CR1: variants seen among roughly 807,000 people sequenced by gnomAD.
The protein encoded by CR1 is complement C3b/C4b receptor 1 (Knops blood group), also known as complement receptor type 1.
Under a neutral mutation model 187.3 loss-of-function variants are expected in CR1, and 116 were observed. That is an observed-to-expected ratio of 0.62 (90% CI 0.53 to 0.72). The LOEUF (loss-of-function observed/expected upper bound fraction) is 0.72, where lower values mean the gene tolerates loss of function less well. CR1 is among the 30% of genes least tolerant of loss of function. CR1 has a pLI of 0.00. For missense variants in CR1, 1,731 were observed against 2,110.7 expected (o/e 0.82, Z 3.52); for synonymous variants, 576 against 747.1 (o/e 0.77, Z 3.73).
At chr1:207,524,213 A>G (rs1190220650) in intron 5 of CR1, among the ~76,000 whole-genome samples, 1 of 152,114 alleles carries the variant, frequency 6.6e-6, no homozygotes, top group African/African-American at 2.4e-5. Context: ...TGGGCAAGGG[A>G]TATGATGTTT....
At position 207,496,357 on chromosome 1, in the gene CR1, T is replaced by C. The variant is rs2296878; in HGVS notation, c.90T>C (p.Val30=). The change falls in exon 1 of 47, where the codon GTT becomes GTC. Residue 30 remains valine (V), a synonymous_variant. Coordinates refer to ENST00000367049, the MANE Select transcript of CR1 (RefSeq NM_000651.6). ...GCTGCGGAGGATCCCTGCTGGCGGT[T>C]GTGGTGCTGCTTGCGCTGCCGGTGG... ...PFCCGGSLLA[V]VVLLALPVAW... is the part of the protein sequence containing the mutation. 4.9e-5 allele frequency: 79 copies of C among 1,611,984 alleles called. No homozygotes were observed. The East Asian group carries it at 1.1e-3, about 23-fold the overall frequency.
At chr1:207,510,746 TTTCC>T (rs71154819) in intron 3 of CR1, among the ~76,000 whole-genome samples, 33 of 148,558 alleles carry the variant, frequency 2.2e-4, no homozygotes, top group Admixed American at 1.0e-3. Flanking sequence ...TCCTTCCTTC[TTTCC>T]TTCCTTCCTT....
intron 37 of CR1, 50 bp downstream of exon 37, chr1:207,609,738 G>A (rs1416985260): frequency 1.4e-6 from 2 of 1,480,532 alleles, no homozygotes. Context: ...ACGTATAGAT[G>A]ATAGGAGTTG....
At chr1:207,603,760 A>T (rs1444242232) in intron 35 of CR1, among the ~76,000 whole-genome samples, 1 of 152,124 alleles carries the variant, frequency 6.6e-6, no homozygotes, top group East Asian at 1.9e-4. Flanking sequence ...ATAGTCCATA[A>T]CCTACCTAAC....
intron 27 of CR1, among the ~76,000 whole-genome samples, chr1:207,573,069 G>C (rs1660627043): frequency 6.6e-6 from 1 of 151,994 alleles, no homozygotes; most frequent in South Asian, 2.1e-4. Context: ...TGGAGGTTAA[G>C]ACTTCAGCAT....
intron 4 of CR1, among the ~76,000 whole-genome samples, chr1:207,516,804 C>A (rs1659822260): frequency 6.6e-6 from 1 of 152,046 alleles, no homozygotes; most frequent in Non-Finnish European, 1.5e-5. Context: ...TCAGCTCCAG[C>A]AAATTTGTTA....
intron 4 of CR1, among the ~76,000 whole-genome samples, chr1:207,513,776 C>CTTCT (rs1558219461): frequency 7.9e-5 from 10 of 126,620 alleles, no homozygotes; most frequent in African/African-American, 3.0e-4. Context: ...TCCTTCCTTC[C>CTTCT]TTCCTTCTTT....
At chr1:207,619,067 A>T (rs1274315653) in intron 42 of CR1, among the ~76,000 whole-genome samples, 2 of 148,706 alleles carry the variant, frequency 1.3e-5, no homozygotes, top group Non-Finnish European at 3.0e-5. Flanking sequence ...AAAAGAAAAG[A>T]AAGTAAATTA....
At chr1:207,616,405 T>A (rs577641118) in intron 40 of CR1, among the ~76,000 whole-genome samples, 170 bp from the exon 41 acceptor site, 1 of 152,244 alleles carries the variant, frequency 6.6e-6, no homozygotes, top group Non-Finnish European at 1.5e-5. Context: ...TAGGTCTCAC[T>A]TCAGTTAGTT....
intron 46 of CR1, among the ~76,000 whole-genome samples, chr1:207,638,816 A>C (rs1662893302): frequency 1.3e-5 from 2 of 152,246 alleles, no homozygotes; most frequent in Non-Finnish European, 2.9e-5. Context: ...TTAGTCCTAC[A>C]GTCCCCTCAG....
intron 42 of CR1, among the ~76,000 whole-genome samples, chr1:207,619,376 C>CAAAAAAAAAAAAAAAA (rs67078800): frequency 1.1e-5 from 1 of 92,646 alleles, no homozygotes; most frequent in Admixed American, 1.1e-4. Flanking sequence ...CAGTGAGACT[C>CAAAAAAAAAAAAAAAA]AAAAAAAAAA....
intron 13 of CR1, among the ~76,000 whole-genome samples, 186 bp from the exon 14 acceptor site, chr1:207,545,106 ACAGTTGTGCCATGTGT>A (rs1453861717): frequency 2.2e-4 from 6 of 27,720 alleles, no homozygotes; most frequent in African/African-American, 4.5e-4. Flanking sequence ...TGTTTTAGTC[ACAGTTGTGCCATGTGT>A]CAGTTCTATG....
chr1:207,616,951 G>T lies in CR1; in HGVS notation c.6889+149G>T, dbSNP rs78853272. ...ACTACCTCCCAAGTGAATGACAAAC[G>T]GGTTATAGATAGGCACGCTGTCTCA... On this transcript the variant is annotated intron_variant, in intron 41 of 46. Transcript: ENST00000367049. The T allele has an allele frequency of 5.9e-4, 706 of 1,196,456 alleles. 4 individuals are homozygous for T. In the African/African-American group the frequency reaches 6.6e-3, roughly 11 times the overall value. The allele number at this position is 1,196,456 out of a possible 1,614,324, so 74.1% of individuals were successfully genotyped here.
At chr1:207,605,458 C>A (rs924260320) in intron 35 of CR1, among the ~76,000 whole-genome samples, 1 of 151,452 alleles carries the variant, frequency 6.6e-6, no homozygotes, top group Non-Finnish European at 1.5e-5. Flanking sequence ...CACATTTTAC[C>A]CTATAAATAT....
At position 207,577,823 on chromosome 1, in the gene CR1, C is replaced by T; in HGVS notation, c.4556C>T (p.Pro1519Leu). The T allele has an allele frequency of 6.2e-7, 1 of 1,613,830 alleles. No individual in the cohort carries two copies. Among genetic ancestry groups the T allele is most frequent in the Non-Finnish European group, 8.5e-7 (1 of 1,179,854 alleles). ...PICQRIPCGL[P>L]PTIANGDFIS... ...TTTCCAGGAATTCCTTGTGGGCTACCCCCAACCATCGCCAATGGAGATTTC... is the reference window on the plus strand; with the variant it reads ...TTTCCAGGAATTCCTTGTGGGCTACTCCCAACCATCGCCAATGGAGATTTC... The change falls in exon 29 of 47, where the codon CCC (proline) becomes CTC (leucine). Residue 1519 changes from proline (P) to leucine (L), a missense_variant. Coordinates refer to ENST00000367049, the MANE Select transcript of CR1 (RefSeq NM_000651.6).
In CR1 at chr1:207,617,608, TATATAGAGAGAGAGAG is replaced by T. The variant is rs1195081809; in HGVS notation, c.6890-461_6890-446del. 6.8e-3 allele frequency among the ~76,000 whole-genome samples: 83 copies of T among 12,214 alleles called. 1 individual carries two copies. The highest frequency in any genetic ancestry group is 0.056 in the Admixed American group (49 of 868). The allele number at this position is 12,214 out of a possible 152,430, so 8.0% of individuals were successfully genotyped here. A position where few individuals can be genotyped will look rare whatever the true frequency, so the allele number is the denominator to read the frequency against. ...ATATATATATATATATATATATATA[TATATAGAGAGAGAGAG>T]AGAGAGAGAGAGAGAGAGAGAGAGA... On this transcript the variant is annotated intron_variant, in intron 41 of 46. Transcript: ENST00000367049.
chr1:207,618,261 T>C lies in CR1; in HGVS notation c.7066+14T>C. The C allele has an allele frequency of 6.2e-7, 1 of 1,611,528 alleles. No individual in the cohort carries two copies. The highest frequency in any genetic ancestry group is 8.5e-7 in the Non-Finnish European group (1 of 1,178,358). On this transcript the variant is annotated intron_variant, in intron 42 of 46. Transcript: ENST00000367049. ...ATTATTGCAAAGGTGACTTATTTCT[T>C]GGTATTCCTTATTCTTGCTGGGTTG...
chr1:207,521,772 T>G (rs1380074126), intron 4 of CR1, among the ~76,000 whole-genome samples: 1 of 148,610 alleles, frequency 6.7e-6, no homozygotes, highest in African/African-American at 2.5e-5. Context: ...TAGCTGGGAA[T>G]GCAGGTGTGC....
At chr1:207,526,189 G>C (rs1229723616) in intron 5 of CR1, among the ~76,000 whole-genome samples, 1 of 152,016 alleles carries the variant, frequency 6.6e-6, no homozygotes, top group Non-Finnish European at 1.5e-5. Context: ...TTGCTACATA[G>C]CATGAGGAGA....
Sources: gnomAD v4.1 joint callset for allele counts (sites outside exome capture counted in the v4.1 genomes callset) on GRCh38, gnomAD v4.1.1 for gene constraint, MANE v1.5 for transcripts, NCBI Gene and HGNC (gene_info 2026-07-23, HGNC 2026-07-21) for gene names.